Variants in STAU2 observed in about 807,000 individuals in gnomAD.
STAU2 encodes the protein double-stranded RNA-binding protein Staufen homolog 2.
In STAU2, 20 loss-of-function variants were observed where a neutral mutation model predicts 65.9. That is an observed-to-expected ratio of 0.30 (90% CI 0.21 to 0.44). The LOEUF is 0.44. STAU2 is among the 20% of genes least tolerant of loss of function. The pLI is 1.00. For missense variants in STAU2, 558 were observed against 683.9 expected (o/e 0.82, Z 2.05); for synonymous variants, 232 against 233.9 (o/e 0.99, Z 0.07).
At chr8:73,555,744 T>C (rs975626996) in intron 12 of STAU2, among the ~76,000 whole-genome samples, 4 of 152,230 alleles carry the variant, frequency 2.6e-5, no homozygotes, top group African/African-American at 9.6e-5. Flanking sequence ...TATGATGCCA[T>C]TGCCATTTTC....
At chr8:73,501,579 G>A (rs1452110807) in intron 13 of STAU2, among the ~76,000 whole-genome samples, 2 of 151,832 alleles carry the variant, frequency 1.3e-5, no homozygotes, top group African/African-American at 4.8e-5. Flanking sequence ...ACCTCTAAAG[G>A]TAAAAGCTTA....
intron 9 of STAU2, among the ~76,000 whole-genome samples, chr8:73,608,404 C>G (rs1028339214): frequency 1.3e-5 from 2 of 151,642 alleles, no homozygotes; most frequent in African/African-American, 4.8e-5. Flanking sequence ...GTCAGGAGTT[C>G]GAGACCAGCC....
At chr8:73,525,613 G>C (rs7000080) in intron 13 of STAU2, among the ~76,000 whole-genome samples, 102,839 of 152,010 alleles carry the variant, frequency 0.68, 36,070 homozygotes, top group Non-Finnish European at 0.79. Context: ...AATTGCATTT[G>C]ATCCCAGTCT....
Position 73,515,352 on chromosome 8 carries a change from C to T in STAU2, c.1530+36660G>A, listed in dbSNP as rs188207966. Among the ~76,000 whole-genome samples the T allele has an allele frequency of 5.3e-5, 8 of 152,270 alleles. No individual in the cohort carries two copies. In the East Asian group the frequency reaches 1.5e-3, roughly 29 times the overall value. On this transcript the variant is annotated intron_variant, in intron 13 of 14. Transcript: ENST00000524300. ...TGGCACGACAGTATCAGGGGACAGC[C>T]TGAATGTCGGTTCTGCCAGCAAGTA...
chr8:73,504,959 T>C (rs1563390690), intron 13 of STAU2, among the ~76,000 whole-genome samples: 1 of 152,158 alleles, frequency 6.6e-6, no homozygotes, highest in East Asian at 1.9e-4. Flanking sequence ...TTTCTATCCC[T>C]TGACTTTGTA....
chr8:73,556,052 T>C (rs1211271226), intron 12 of STAU2, among the ~76,000 whole-genome samples: 2 of 152,194 alleles, frequency 1.3e-5, no homozygotes, highest in Non-Finnish European at 2.9e-5. Context: ...TTTAATCCTG[T>C]TTTATCTATG....
intron 13 of STAU2, among the ~76,000 whole-genome samples, chr8:73,457,767 G>A (rs991000242): frequency 3.3e-5 from 5 of 152,218 alleles, no homozygotes; most frequent in Non-Finnish European, 7.3e-5. Context: ...GGATAGGCAT[G>A]ATATGCAAAG....
At chr8:73,497,007 CAT>C (rs1821456537) in intron 13 of STAU2, among the ~76,000 whole-genome samples, 1 of 151,706 alleles carries the variant, frequency 6.6e-6, no homozygotes, top group Admixed American at 6.6e-5. Flanking sequence ...ATATAAAAAT[CAT>C]AGATCAAATG....
chr8:73,575,425 T>G (rs1809468268), intron 12 of STAU2, among the ~76,000 whole-genome samples: 1 of 152,194 alleles, frequency 6.6e-6, no homozygotes, highest in Non-Finnish European at 1.5e-5. Context: ...GACAGTACTC[T>G]GGCAACATCC....
At chr8:73,445,141 A>G (rs1184880347) in intron 13 of STAU2, among the ~76,000 whole-genome samples, 2 of 152,270 alleles carry the variant, frequency 1.3e-5, no homozygotes, top group Admixed American at 1.3e-4. Flanking sequence ...GTGAGTGAGC[A>G]GGACTATAGA....
intron 13 of STAU2, among the ~76,000 whole-genome samples, chr8:73,449,377 T>C (rs372538108): frequency 1.3e-5 from 2 of 152,368 alleles, no homozygotes; most frequent in South Asian, 2.1e-4. Context: ...CTCTGTGTCC[T>C]GATCCCCTCT....
intron 13 of STAU2, among the ~76,000 whole-genome samples, chr8:73,529,954 A>G (rs1027491198): frequency 6.6e-6 from 1 of 152,198 alleles, no homozygotes; most frequent in East Asian, 1.9e-4. Context: ...ACTGTAAAAG[A>G]AAGAATTATG....
chr8:73,742,279 T>C (rs941063502), intron 1 of STAU2: 56 of 980,840 alleles, frequency 5.7e-5, no homozygotes, highest in Non-Finnish European at 6.8e-5. Flanking sequence ...ACGCCTGTAA[T>C]CCCAGCACTT....
chr8:73,578,736 C>T (rs1440626701), intron 12 of STAU2, among the ~76,000 whole-genome samples: 1 of 152,156 alleles, frequency 6.6e-6, no homozygotes, highest in East Asian at 1.9e-4. Context: ...AAGCTGGCTA[C>T]ATTCTTACAT....
At chr8:73,734,991 G>C (rs1339481446) in intron 3 of STAU2, among the ~76,000 whole-genome samples, 1 of 152,168 alleles carries the variant, frequency 6.6e-6, no homozygotes, top group Non-Finnish European at 1.5e-5. Context: ...CTGGAGTGCA[G>C]TGGTATGATC....
intron 13 of STAU2, among the ~76,000 whole-genome samples, chr8:73,445,511 T>C (rs927144758): frequency 6.6e-6 from 1 of 152,228 alleles, no homozygotes; most frequent in Non-Finnish European, 1.5e-5. Flanking sequence ...AATGGATACA[T>C]TGGACCTCAT....
chr8:73,435,036 GGAACACC>G (rs1448758138), intron 13 of STAU2, among the ~76,000 whole-genome samples: 1 of 128,738 alleles, frequency 7.8e-6, no homozygotes, highest in African/African-American at 4.5e-5. Flanking sequence ...CCTAGCCTCA[GGAACACC>G]TGGCAGATGT....
intron 12 of STAU2, among the ~76,000 whole-genome samples, chr8:73,567,031 C>T (rs1373492939): frequency 3.9e-5 from 6 of 152,136 alleles, no homozygotes; most frequent in Admixed American, 6.5e-5. Context: ...TCCAACAATA[C>T]CACGCTGAGA....
At chr8:73,609,859 T>C (rs1216571488) in intron 9 of STAU2, among the ~76,000 whole-genome samples, 2 of 152,220 alleles carry the variant, frequency 1.3e-5, no homozygotes, top group Non-Finnish European at 2.9e-5. Context: ...ACTGTCTTTA[T>C]TTCTGTTTAA....
Sources: gnomAD v4.1 joint callset for allele counts (sites outside exome capture counted in the v4.1 genomes callset) on GRCh38, gnomAD v4.1.1 for gene constraint, MANE v1.5 for transcripts, NCBI Gene and HGNC (gene_info 2026-07-23, HGNC 2026-07-21) for gene names.